Variants in ATG7 observed in about 807,000 individuals in gnomAD.
ATG7 encodes the protein ubiquitin-like modifier-activating enzyme ATG7.
In ATG7, 70 loss-of-function variants were observed where a neutral mutation model predicts 82.4. That is an observed-to-expected ratio of 0.85 (90% CI 0.70 to 1.04). ATG7 has a LOEUF of 1.04. ATG7 is among the 50% of genes least tolerant of loss of function. The pLI, the probability that ATG7 is intolerant of heterozygous loss-of-function variation, is 0.00. For synonymous variants in ATG7, 287 were observed against 313.0 expected (o/e 0.92, Z 0.88); for missense variants, 792 against 864.3 (o/e 0.92, Z 1.05).
chr3:11,379,208 CGTT>C (rs1251749613), intron 18 of ATG7, among the ~76,000 whole-genome samples: 5 of 152,074 alleles, frequency 3.3e-5, no homozygotes, highest in Non-Finnish European at 7.4e-5. Flanking sequence ...TTATTATAAA[CGTT>C]GAGTCCTATG....
At position 11,362,798 on chromosome 3, in the gene ATG7, A is replaced by T; in HGVS notation, c.1684-15A>T. On this transcript the variant is annotated splice_polypyrimidine_tract_variant and intron_variant, in intron 16 of 20. Coordinates refer to ENST00000693202, the MANE Select transcript of ATG7 (RefSeq NM_001349232.2). ...GTAGAACGTTCTGCACACACCAATG[A>T]TTGTTTCTTTGCAGTCAACCAGAGA... is the stretch of plus-strand genomic sequence containing the variant. The T allele has an allele frequency of 6.2e-7, 1 of 1,611,194 alleles. No homozygotes were observed. Among genetic ancestry groups the T allele is most frequent in the South Asian group, 1.1e-5 (1 of 90,856 alleles).
chr3:11,402,873 C>T (rs895128666), intron 19 of ATG7, among the ~76,000 whole-genome samples: 1 of 152,140 alleles, frequency 6.6e-6, no homozygotes, highest in South Asian at 2.1e-4. Flanking sequence ...GTTACATAGA[C>T]TTACCAGATT....
chr3:11,295,219 A>G (rs538031790), intron 3 of ATG7, among the ~76,000 whole-genome samples: 1 of 152,272 alleles, frequency 6.6e-6, no homozygotes, highest in Non-Finnish European at 1.5e-5. Flanking sequence ...GGCAGTGGGG[A>G]ATTTTAGGGA....
At chr3:11,379,917 A>G (rs2077753108) in intron 18 of ATG7, 55 bp from the exon 19 acceptor site, 1 of 1,547,832 alleles carries the variant, frequency 6.5e-7, no homozygotes, top group Non-Finnish European at 8.9e-7. Context: ...CGTGCATTTC[A>G]TAGATGTGGT....
intron 20 of ATG7, among the ~76,000 whole-genome samples, chr3:11,484,031 A>T (rs1380985200): frequency 1.3e-5 from 2 of 152,174 alleles, no homozygotes; most frequent in Non-Finnish European, 2.9e-5. Context: ...ACTTATGGGC[A>T]TGTATTATAT....
chr3:11,444,367 A>T (rs529883164), intron 20 of ATG7, among the ~76,000 whole-genome samples: 1 of 152,308 alleles, frequency 6.6e-6, no homozygotes, highest in African/African-American at 2.4e-5. Flanking sequence ...ACAGTTTAGA[A>T]TTTAATTAAT....
chr3:11,570,478 T>C, the ATG7 span, among the ~76,000 whole-genome samples: 1 of 152,158 alleles, frequency 6.6e-6, no homozygotes, highest in Admixed American at 6.5e-5. Flanking sequence ...GACCGTGCAC[T>C]CCCGGGAAGG....
rs2072396177 is a variant in ATG7, at chr3:11,556,256, G to GGAGCCCCTTC, written c.*1414_*1423dup. 6.6e-6 allele frequency: 1 copy of GGAGCCCCTTC among 152,634 alleles called. No individual in the cohort carries two copies. 9.5% of individuals were successfully genotyped at this position (152,634 alleles called of 1,614,324 possible). ...AGCGCGGCTCTGGGAAGAACTTCAC[G>GGAGCCCCTTC]GAGCCCCTTCTTAGAGCAGGGAGGG... On this transcript the variant is annotated 3_prime_UTR_variant, in exon 21 of 21. Transcript: ENST00000693202.
chr3:11,353,044 T>C (rs2075680214), intron 14 of ATG7, among the ~76,000 whole-genome samples: 1 of 152,254 alleles, frequency 6.6e-6, no homozygotes, highest in African/African-American at 2.4e-5. Flanking sequence ...ATTTGGGGTA[T>C]TCCTTACTTG....
chr3:11,559,387 G>C, downstream of ATG7: 2 of 1,558,710 alleles, frequency 1.3e-6, no homozygotes, highest in African/African-American at 1.4e-5. Context: ...CGCTGTGCGC[G>C]ATGGGGCAGT....
At chr3:11,498,948 G>A (rs958293144) in intron 20 of ATG7, among the ~76,000 whole-genome samples, 5 of 152,144 alleles carry the variant, frequency 3.3e-5, no homozygotes, top group Non-Finnish European at 7.4e-5. Flanking sequence ...ATGAGCTCTT[G>A]CAGAACAAGT....
rs559838777 is a variant in ATG7 at position 11,448,489 on chromosome 3, C to T, written c.2079+21563C>T. ...CTGCTTCAGGACATGTGCCTTTAGT[C>T]TCCTCCATAGTCTAAAAACTTACTT... On this transcript the variant is annotated intron_variant, in intron 20 of 20. Transcript: ENST00000693202. Among the ~76,000 whole-genome samples the T allele has an allele frequency of 7.2e-5, 11 of 152,340 alleles. No homozygotes were observed. The East Asian group carries it at 2.1e-3, about 29-fold the overall frequency.
chr3:11,455,430 G>A (rs1164505460), intron 20 of ATG7, among the ~76,000 whole-genome samples: 1 of 152,070 alleles, frequency 6.6e-6, no homozygotes, highest in Non-Finnish European at 1.5e-5. Flanking sequence ...GCTTTTGCTG[G>A]TCCACATTTG....
chr3:11,499,262 CCT>C (rs2091128311), intron 20 of ATG7, among the ~76,000 whole-genome samples: 1 of 4,712 alleles, frequency 2.1e-4, no homozygotes, highest in Non-Finnish European at 3.9e-4. Context: ...ATTCCTCTAT[CCT>C]TTCCTGTTCT....
At chr3:11,422,705 G>T (rs1442027205) in intron 19 of ATG7, among the ~76,000 whole-genome samples, 1 of 129,064 alleles carries the variant, frequency 7.7e-6, no homozygotes, top group African/African-American at 3.0e-5. Context: ...CTCAGCTTTT[G>T]ACATGCCTTC....
chr3:11,481,622 A>G (rs775908139), intron 20 of ATG7, among the ~76,000 whole-genome samples: 5 of 152,202 alleles, frequency 3.3e-5, no homozygotes, highest in South Asian at 2.1e-4. Flanking sequence ...AATGAATTGT[A>G]TAACCTTTCC....
chr3:11,351,258 C>G (rs945304680), intron 14 of ATG7, among the ~76,000 whole-genome samples: 1 of 152,132 alleles, frequency 6.6e-6, no homozygotes, highest in African/African-American at 2.4e-5. Context: ...TTCACAAATA[C>G]TTATCATTGT....
chr3:11,450,396 A>G (rs1355744802), intron 20 of ATG7, among the ~76,000 whole-genome samples: 1 of 152,094 alleles, frequency 6.6e-6, no homozygotes, highest in Non-Finnish European at 1.5e-5. Context: ...AGTTCTCTAG[A>G]TTTGTACTTT....
At chr3:11,339,564 A>T (rs548738971) in intron 11 of ATG7, among the ~76,000 whole-genome samples, 12 of 152,316 alleles carry the variant, frequency 7.9e-5, no homozygotes, top group African/African-American at 2.4e-4. Flanking sequence ...TAGGGAGCGC[A>T]AGAGAGTGGG....
Sources: gnomAD v4.1 joint callset for allele counts (sites outside exome capture counted in the v4.1 genomes callset) on GRCh38, gnomAD v4.1.1 for gene constraint, MANE v1.5 for transcripts, NCBI Gene and HGNC (gene_info 2026-07-23, HGNC 2026-07-21) for gene names.